TDRD10: variants seen among roughly 807,000 people sequenced by gnomAD.
The protein encoded by TDRD10 is tudor domain-containing protein 10.
In TDRD10, 40 loss-of-function variants were observed where a neutral mutation model predicts 48.0. That is an observed-to-expected ratio of 0.83 (90% CI 0.65 to 1.09). The LOEUF is 1.09. Ranked by LOEUF, TDRD10 falls within the 50% of genes least tolerant of loss-of-function variation. The probability of loss-of-function intolerance (pLI) is 0.00; values close to 1 mark genes in which losing one functional copy is unlikely to be tolerated. For synonymous variants in TDRD10, 162 were observed against 170.4 expected (o/e 0.95, Z 0.38); for missense variants, 378 against 434.7 (o/e 0.87, Z 1.16).
Position 154,547,419 on chromosome 1 carries a change from T to C in TDRD10, c.963T>C (p.Ser321=). ...TGTCTTGTTTTGCAGACATTTTGAG[T>C]TCGTATGAGGTTGTCCATCGAATCC... The part of the protein sequence containing the change: ...QPFMLEKDIL[S]SYEVVHRILK... The change falls in exon 12 of 13, where the codon AGT becomes AGC. Residue 321 remains serine (S), a synonymous_variant. Transcript: ENST00000368482. The C allele has an allele frequency of 6.2e-7, 1 of 1,614,134 alleles. No individual in the cohort carries two copies. The highest frequency in any genetic ancestry group is 2.2e-5 in the East Asian group (1 of 44,868).
intron 6 of TDRD10, among the ~76,000 whole-genome samples, chr1:154,524,697 A>T (rs549426203): frequency 2.0e-5 from 3 of 152,162 alleles, no homozygotes; most frequent in Admixed American, 2.0e-4. Flanking sequence ...TGGCTTTTGT[A>T]GGGTCTCAGG....
At chr1:154,529,276 G>A (rs1342151439) in intron 6 of TDRD10, among the ~76,000 whole-genome samples, 1 of 152,072 alleles carries the variant, frequency 6.6e-6, no homozygotes, top group Non-Finnish European at 1.5e-5. Flanking sequence ...ACCTCGCCAT[G>A]TTGGCCAGGC....
At chr1:154,542,333 T>C (rs1425255020) in intron 7 of TDRD10, among the ~76,000 whole-genome samples, 1 of 152,170 alleles carries the variant, frequency 6.6e-6, no homozygotes. Context: ...GCTCAAGCCA[T>C]CCTCCCTCCT....
At chr1:154,507,044 A>T in intron 2 of TDRD10, 139 bp downstream of exon 2, 1 of 1,559,888 alleles carries the variant, frequency 6.4e-7, no homozygotes, top group South Asian at 1.2e-5. Context: ...CTCTAAGTAT[A>T]CTTTAACTTT....
chr1:154,542,166 CT>C (rs1695278449), intron 7 of TDRD10, 100 bp downstream of exon 7: 1 of 1,171,158 alleles, frequency 8.5e-7, no homozygotes, highest in Non-Finnish European at 1.3e-6. Context: ...GCTCAGTCCC[CT>C]GATGACCCTT....
intron 11 of TDRD10, 77 bp from the exon 12 acceptor site, chr1:154,547,332 G>C: frequency 6.5e-7 from 1 of 1,532,632 alleles, no homozygotes; most frequent in South Asian, 1.2e-5. Context: ...TGCAGCCCCC[G>C]CCTTTTGCTT....
In TDRD10 at chr1:154,544,825, G is replaced by T; in HGVS notation, c.828G>T (p.Trp276Cys). The change falls in exon 11 of 13, where the codon TGG becomes TGT. Residue 276 changes from tryptophan (W) to cysteine (C), a missense_variant. By Grantham distance (215) the Trp-to-Cys change is radical. Around this residue, in one of 2 missense-constraint regions of TDRD10, gnomAD observed 68 missense variants for 111.1 expected, o/e 0.61. Transcript: ENST00000368482. ...RCWVLDRVDT[W>C]AVVMFIDFGQ... Reference sequence around the variant, plus strand: ...GGGTGCTGGACAGGGTGGACACCTGGGCTGTGGTCATGTTCATTGATTTTG... The same window carrying T: ...GGGTGCTGGACAGGGTGGACACCTGTGCTGTGGTCATGTTCATTGATTTTG... The T allele has an allele frequency of 6.2e-7, 1 of 1,614,144 alleles. No homozygotes were observed. Among genetic ancestry groups the T allele is most frequent in the Non-Finnish European group, 8.5e-7 (1 of 1,180,028 alleles).
At chr1:154,524,027 CT>C (rs759144685) in intron 6 of TDRD10, among the ~76,000 whole-genome samples, 3 of 152,024 alleles carry the variant, frequency 2.0e-5, no homozygotes, top group Admixed American at 6.6e-5. Flanking sequence ...TATTTTGTCT[CT>C]TTTTTAAGAT....
intron 5 of TDRD10, 102 bp downstream of exon 5, chr1:154,520,476 C>T (rs750318470): frequency 5.3e-5 from 44 of 837,814 alleles, no homozygotes; most frequent in African/African-American, 3.7e-4. Flanking sequence ...GCAACCGCCA[C>T]GTCCACACCC....
chr1:154,503,718 G>C (rs1244315755), intron 1 of TDRD10, among the ~76,000 whole-genome samples: 1 of 152,224 alleles, frequency 6.6e-6, no homozygotes, highest in Non-Finnish European at 1.5e-5. Context: ...CCAACACTGA[G>C]TCCTCATATA....
intron 4 of TDRD10, among the ~76,000 whole-genome samples, chr1:154,519,038 C>T (rs546802733): frequency 1.3e-5 from 2 of 152,214 alleles, no homozygotes; most frequent in African/African-American, 2.4e-5. Context: ...GCCATAGAGA[C>T]GTCATTTAAC....
intron 6 of TDRD10, among the ~76,000 whole-genome samples, chr1:154,539,062 C>G (rs1243160626): frequency 2.0e-5 from 3 of 152,178 alleles, no homozygotes; most frequent in Non-Finnish European, 4.4e-5. Context: ...GTAACTCACC[C>G]AGACTTAAGC....
At chr1:154,543,033 T>C (rs1287408809) in intron 8 of TDRD10, among the ~76,000 whole-genome samples, 1 of 152,132 alleles carries the variant, frequency 6.6e-6, no homozygotes, top group Non-Finnish European at 1.5e-5. Context: ...CCCAGCACTT[T>C]GGGAGGCCAA....
At chr1:154,531,216 T>G (rs1380025086) in intron 6 of TDRD10, among the ~76,000 whole-genome samples, 1 of 152,214 alleles carries the variant, frequency 6.6e-6, no homozygotes, top group Non-Finnish European at 1.5e-5. Context: ...TCATTGCTCC[T>G]TGAAGCATTT....
rs767102646 is a variant in TDRD10 at position 154,521,484 on chromosome 1, G to A, written c.369+5G>A. On this transcript the variant is annotated splice_donor_5th_base_variant and intron_variant, in intron 6 of 12. Transcript: ENST00000368482. ...CAGCAGCCTCGGGCCCCGCTGGTAT[G>A]TCTTCTGGCCTTTCTGCTCTGGGGC... is the stretch of plus-strand genomic sequence containing the variant. The A allele has an allele frequency of 6.2e-7, 1 of 1,613,344 alleles. No homozygotes were observed. The highest frequency in any genetic ancestry group is 1.1e-5 in the South Asian group (1 of 91,016).
At chr1:154,536,716 T>C (rs1439885008) in intron 6 of TDRD10, among the ~76,000 whole-genome samples, 1 of 152,112 alleles carries the variant, frequency 6.6e-6, no homozygotes, top group Non-Finnish European at 1.5e-5. Context: ...ATCCTTTCGA[T>C]GAGATGGAGC....
At chr1:154,547,569 G>A (rs376189892) in intron 12 of TDRD10, 90 bp downstream of exon 12, 2 of 1,614,260 alleles carry the variant, frequency 1.2e-6, no homozygotes, top group Non-Finnish European at 1.7e-6. Context: ...CCTGGACACA[G>A]TATTTACCTG....
At chr1:154,504,319 C>T (rs1363151006) in intron 1 of TDRD10, among the ~76,000 whole-genome samples, 1 of 152,238 alleles carries the variant, frequency 6.6e-6, no homozygotes, top group East Asian at 1.9e-4. Flanking sequence ...ATAAGCAACA[C>T]TGCTATGAAT....
chr1:154,541,900 A>C, intron 6 of TDRD10, 124 bp from the exon 7 acceptor site: 1 of 874,072 alleles, frequency 1.1e-6, no homozygotes, highest in Non-Finnish European at 1.8e-6. Flanking sequence ...GTCAGCTCTA[A>C]AGTCGGAGTC....
Sources: allele counts gnomAD v4.1 joint callset (sites outside exome capture counted in the v4.1 genomes callset), GRCh38; gene constraint gnomAD v4.1.1; regional missense constraint gnomAD v4.1.1; transcripts MANE v1.5; gene names NCBI Gene and HGNC (gene_info 2026-07-23, HGNC 2026-07-21).